The following RYR2 variants were observed in gnomAD, a reference collection of about 807,000 sequenced individuals.
RYR2 encodes ryanodine receptor 2.
In RYR2, 227 loss-of-function variants were observed where a neutral mutation model predicts 601.1. That is an observed-to-expected ratio of 0.38 (90% CI 0.34 to 0.42). RYR2 has a LOEUF of 0.42. RYR2 is among the 10% of genes least tolerant of loss of function. RYR2 has a pLI of 1.00. For missense variants in RYR2, 4,646 were observed against 6,156.5 expected, an observed-to-expected ratio of 0.75 and a Z score of 8.21; for synonymous variants, 2,223 against 2,175.1, an observed-to-expected ratio of 1.02 and a Z score of -0.61.
At chr1:237,714,353 G>A (rs182569163) in intron 71 of RYR2, among the ~76,000 whole-genome samples, 8 of 152,166 alleles carry the variant, frequency 5.3e-5, no homozygotes, top group Admixed American at 3.3e-4. Context: ...GAAAACGTAC[G>A]AGAGAAAGAA....
intron 1 of RYR2, among the ~76,000 whole-genome samples, chr1:237,183,503 A>G (rs937771275): frequency 1.3e-5 from 2 of 152,208 alleles, no homozygotes; most frequent in Non-Finnish European, 2.9e-5. Context: ...TAGCTTAGGA[A>G]AGACACGGGC....
At chr1:237,767,167 A>G (rs1311291644) in intron 84 of RYR2, among the ~76,000 whole-genome samples, 1 of 152,226 alleles carries the variant, frequency 6.6e-6, no homozygotes, top group East Asian at 1.9e-4. Flanking sequence ...GACTAAAGTC[A>G]TATATCTAGC....
intron 84 of RYR2, among the ~76,000 whole-genome samples, chr1:237,764,727 A>C (rs1392712391): frequency 6.6e-6 from 1 of 152,044 alleles, no homozygotes; most frequent in East Asian, 1.9e-4. Flanking sequence ...GATTACAGGC[A>C]TGAGCCACCA....
intron 23 of RYR2, 82 bp from the exon 24 acceptor site, chr1:237,511,606 C>T (rs1665906862): frequency 9.1e-7 from 1 of 1,103,610 alleles, no homozygotes; most frequent in Non-Finnish European, 1.3e-6. Flanking sequence ...CTTCTGCCTC[C>T]ACTTTCTACC....
At chr1:237,242,661 T>G (rs533558653) in intron 1 of RYR2, among the ~76,000 whole-genome samples, 4 of 152,222 alleles carry the variant, frequency 2.6e-5, no homozygotes, top group African/African-American at 9.6e-5. Flanking sequence ...AGAAAATATA[T>G]AACATGAATA....
intron 2 of RYR2, among the ~76,000 whole-genome samples, chr1:237,290,876 A>G (rs1336688771): frequency 6.6e-6 from 1 of 152,236 alleles, no homozygotes; most frequent in Non-Finnish European, 1.5e-5. Flanking sequence ...GATGGCTTCC[A>G]AATATTTTAA....
At chr1:237,805,042 A>G (rs576090602) in intron 98 of RYR2, among the ~76,000 whole-genome samples, 2 of 152,296 alleles carry the variant, frequency 1.3e-5, no homozygotes, top group Non-Finnish European at 2.9e-5. Context: ...CCATCCCACC[A>G]TGCACAGAAC....
At chr1:237,338,345 G>T (rs1410257071) in intron 3 of RYR2, among the ~76,000 whole-genome samples, 1 of 152,106 alleles carries the variant, frequency 6.6e-6, no homozygotes, top group East Asian at 1.9e-4. Flanking sequence ...TATTTAACGG[G>T]CTTCATTCTC....
intron 7 of RYR2, among the ~76,000 whole-genome samples, chr1:237,376,639 A>G (rs1013092943): frequency 2.0e-5 from 3 of 152,182 alleles, no homozygotes; most frequent in African/African-American, 7.2e-5. Flanking sequence ...TTGGGAAGAA[A>G]GAGTGAAGAA....
chr1:237,050,907 G>A (rs1003010676), intron 1 of RYR2, among the ~76,000 whole-genome samples: 4 of 152,178 alleles, frequency 2.6e-5, no homozygotes, highest in African/African-American at 9.7e-5. Context: ...TCTAGCTTTT[G>A]CTAGAGTTTA....
At chr1:237,655,694 G>T in intron 52 of RYR2, 127 bp from the exon 53 acceptor site, 1 of 782,376 alleles carries the variant, frequency 1.3e-6, no homozygotes, top group Non-Finnish European at 1.9e-6. Flanking sequence ...GAAAAAGAAT[G>T]ATCAGAGAGT....
At chr1:237,268,703 C>T (rs968663939) in intron 1 of RYR2, among the ~76,000 whole-genome samples, 3 of 151,534 alleles carry the variant, frequency 2.0e-5, no homozygotes, top group Non-Finnish European at 4.4e-5. Flanking sequence ...TTTGGGAGGC[C>T]GAGGCGGGCG....
Position 237,150,569 on chromosome 1 carries a change from A to G in RYR2, c.48+108000A>G, listed in dbSNP as rs534483139. Among the ~76,000 whole-genome samples, 5 of 152,326 alleles carry G rather than the reference A, an allele frequency of 3.3e-5. No individual in the cohort carries two copies. In the South Asian group the frequency reaches 6.2e-4, roughly 19 times the overall value. On this transcript the variant is annotated intron_variant, in intron 1 of 104. Transcript: ENST00000366574. ...AGAACTGAAAACAATGACAACAACA[A>G]CAACAAAAACACAAAGAACACATAG...
rs577510535 is a variant in RYR2, at chr1:237,469,827, A to C, written c.1708+640A>C. On this transcript the variant is annotated intron_variant, in intron 17 of 104. Transcript: ENST00000366574. ...AACAAATGGTCTGTATAATAGTAAA[A>C]TATTTATAGGCAGTCAACCCGATAC... Among the ~76,000 whole-genome samples the C allele has an allele frequency of 9.9e-4, 151 of 152,334 alleles. 2 individuals are homozygous for C. Among genetic ancestry groups the C allele is most frequent in the African/African-American group, 3.5e-3 (144 of 41,576 alleles).
chr1:237,748,732 A>G (rs560385936), intron 80 of RYR2, among the ~76,000 whole-genome samples: 2 of 152,342 alleles, frequency 1.3e-5, no homozygotes, highest in East Asian at 3.9e-4. Context: ...TATGTGGACC[A>G]AAATAGCAGT....
At chr1:237,697,844 A>G (rs1388388657) in intron 63 of RYR2, among the ~76,000 whole-genome samples, 2 of 152,132 alleles carry the variant, frequency 1.3e-5, no homozygotes, top group Admixed American at 6.6e-5. Context: ...CATTATTACC[A>G]GGAATTCTGA....
At chr1:237,405,323 TG>T (rs1358684349) in intron 10 of RYR2, among the ~76,000 whole-genome samples, 1 of 152,196 alleles carries the variant, frequency 6.6e-6, no homozygotes, top group Non-Finnish European at 1.5e-5. Context: ...CCAAGGGCAG[TG>T]GGGTGATCAA....
intron 27 of RYR2, among the ~76,000 whole-genome samples, chr1:237,566,306 C>T (rs1173726660): frequency 6.6e-6 from 1 of 152,130 alleles, no homozygotes; most frequent in East Asian, 1.9e-4. Context: ...GAAAATGAGG[C>T]TGACGGAGAC....
At chr1:237,310,262 T>C (rs1322447563) in intron 2 of RYR2, among the ~76,000 whole-genome samples, 1 of 152,224 alleles carries the variant, frequency 6.6e-6, no homozygotes, top group African/African-American at 2.4e-5. Flanking sequence ...TCTACTGCTT[T>C]TGTAGATTCA....
Sources: allele counts gnomAD v4.1 joint callset (sites outside exome capture counted in the v4.1 genomes callset), GRCh38; gene constraint gnomAD v4.1.1; transcripts MANE v1.5; gene names NCBI Gene and HGNC (gene_info 2026-07-23, HGNC 2026-07-21).